Variants in CPQ observed in about 807,000 individuals in gnomAD.
CPQ encodes the protein carboxypeptidase Q.
Under a neutral mutation model 45.7 loss-of-function variants are expected in CPQ, and 37 were observed. The observed-to-expected ratio is 0.81, with a 90% confidence interval of 0.62 to 1.07. The LOEUF (loss-of-function observed/expected upper bound fraction) is 1.07, where lower values mean the gene tolerates loss of function less well. Among genes scored for constraint, CPQ ranks in the 50% least tolerant of loss-of-function variants. The pLI is 0.00. For synonymous variants in CPQ, 186 were observed against 205.8 expected, an observed-to-expected ratio of 0.90 and a Z score of 0.82; for missense variants, 537 against 572.9, an observed-to-expected ratio of 0.94 and a Z score of 0.64.
chr8:97,051,420 A>G (rs370346912), intron 6 of CPQ, among the ~76,000 whole-genome samples: 1 of 152,236 alleles, frequency 6.6e-6, no homozygotes, highest in South Asian at 2.1e-4. Flanking sequence ...ATGATATCAA[A>G]GTAATGATGA....
chr8:96,700,641 C>G (rs113379057), intron 1 of CPQ, among the ~76,000 whole-genome samples: 3,145 of 152,262 alleles, frequency 0.021, 120 homozygotes, highest in African/African-American at 0.072. Context: ...GAAGGGAACT[C>G]GAAACAGCTG....
chr8:96,938,042 A>C (rs888517731), intron 4 of CPQ, among the ~76,000 whole-genome samples: 2 of 152,200 alleles, frequency 1.3e-5, no homozygotes, highest in African/African-American at 4.8e-5. Flanking sequence ...TCTTAGAAAT[A>C]AGTTAGTTAT....
chr8:96,976,676 A>G (rs966601250), intron 5 of CPQ, among the ~76,000 whole-genome samples: 7 of 152,202 alleles, frequency 4.6e-5, no homozygotes, highest in African/African-American at 1.7e-4. Flanking sequence ...AAGAGAAGAA[A>G]GAACCCAGAA....
At chr8:97,129,616 C>G (rs529197703) in intron 7 of CPQ, among the ~76,000 whole-genome samples, 1 of 152,106 alleles carries the variant, frequency 6.6e-6, no homozygotes, top group Non-Finnish European at 1.5e-5. Context: ...CTCTGTACCA[C>G]GCTCACAGCG....
intron 4 of CPQ, among the ~76,000 whole-genome samples, chr8:96,911,958 A>G (rs1201846699): frequency 6.6e-6 from 1 of 152,140 alleles, no homozygotes; most frequent in Non-Finnish European, 1.5e-5. Flanking sequence ...GTGTGATGTC[A>G]AGTAAGTTCT....
intron 2 of CPQ, among the ~76,000 whole-genome samples, chr8:96,800,047 G>A (rs567958848): frequency 1.7e-4 from 26 of 152,110 alleles, no homozygotes; most frequent in Admixed American, 3.9e-4. Flanking sequence ...TTTCTGTTCC[G>A]TGAAGGATAC....
At chr8:97,104,141 G>A (rs893981249) in intron 7 of CPQ, among the ~76,000 whole-genome samples, 1 of 152,176 alleles carries the variant, frequency 6.6e-6, no homozygotes, top group African/African-American at 2.4e-5. Context: ...ACAAGTGGTA[G>A]CTTCTAAATA....
chr8:97,135,010 C>T (rs1812026313), intron 7 of CPQ, among the ~76,000 whole-genome samples: 2 of 152,168 alleles, frequency 1.3e-5, no homozygotes, highest in Non-Finnish European at 2.9e-5. Context: ...TACCACCTTA[C>T]AGAGATGACT....
intron 4 of CPQ, among the ~76,000 whole-genome samples, chr8:96,914,208 G>T (rs1468654939): frequency 6.6e-6 from 1 of 152,150 alleles, no homozygotes; most frequent in African/African-American, 2.4e-5. Flanking sequence ...GATTAGTTTT[G>T]TAAAAGGAGA....
chr8:96,775,849 C>T (rs1030435677), intron 1 of CPQ, among the ~76,000 whole-genome samples: 1 of 152,152 alleles, frequency 6.6e-6, no homozygotes. Flanking sequence ...GTGCTCCCCC[C>T]ACATATTCAA....
chr8:96,657,678 C>T (rs1041151837), intron 1 of CPQ, among the ~76,000 whole-genome samples: 2 of 151,892 alleles, frequency 1.3e-5, no homozygotes, highest in Non-Finnish European at 2.9e-5. Flanking sequence ...AAAAACAAAA[C>T]AAAACAACAA....
At chr8:96,899,882 C>T (rs1563524290) in intron 4 of CPQ, among the ~76,000 whole-genome samples, 2 of 146,558 alleles carry the variant, frequency 1.4e-5, no homozygotes, top group African/African-American at 2.4e-5. Context: ...AAGAGAAAGT[C>T]GATATGAAGG....
intron 1 of CPQ, among the ~76,000 whole-genome samples, chr8:96,684,116 G>GT (rs1809191855): frequency 6.6e-6 from 1 of 151,978 alleles, no homozygotes; most frequent in South Asian, 2.1e-4. Context: ...GCTTTTTTGT[G>GT]TTTTTTGTAT....
intron 3 of CPQ, among the ~76,000 whole-genome samples, chr8:96,841,152 G>C (rs966993768): frequency 2.6e-5 from 4 of 152,180 alleles, no homozygotes; most frequent in African/African-American, 9.7e-5. Flanking sequence ...GGTCGGGAGA[G>C]GGAGCTGGCT....
chr8:96,928,047 C>T (rs1812916108), intron 4 of CPQ, among the ~76,000 whole-genome samples: 1 of 152,174 alleles, frequency 6.6e-6, no homozygotes, highest in African/African-American at 2.4e-5. Flanking sequence ...TATGCAGGGC[C>T]AGACCAGCAG....
At chr8:96,773,686 A>G (rs1810573332) in intron 1 of CPQ, among the ~76,000 whole-genome samples, 1 of 152,228 alleles carries the variant, frequency 6.6e-6, no homozygotes, top group African/African-American at 2.4e-5. Context: ...TACAAAGAAC[A>G]GAAATTTGTT....
intron 7 of CPQ, among the ~76,000 whole-genome samples, chr8:97,085,607 T>C (rs539153813): frequency 6.6e-6 from 1 of 152,310 alleles, no homozygotes; most frequent in East Asian, 1.9e-4. Flanking sequence ...ATTTTTCCTA[T>C]TTTCATCCAA....
rs1235819355 is a variant in CPQ at position 96,900,617 on chromosome 8, AT to A, written c.849+20618del. Among the ~76,000 whole-genome samples the A allele has an allele frequency of 2.6e-5, 4 of 152,108 alleles. No homozygotes were observed. The South Asian group carries it at 8.3e-4, about 31-fold the overall frequency. On this transcript the variant is annotated intron_variant, in intron 4 of 7. Transcript: ENST00000220763. ...CATAACAAATGGAACTTTTATATTT[AT>A]TTTTTATGCTTAAGGGTACATAGTG...
intron 4 of CPQ, among the ~76,000 whole-genome samples, chr8:96,922,866 A>G (rs953151994): frequency 6.6e-6 from 1 of 152,198 alleles, no homozygotes; most frequent in Non-Finnish European, 1.5e-5. Context: ...TACATACATG[A>G]CTGGTTTTGA....
Sources: allele counts gnomAD v4.1 joint callset (sites outside exome capture counted in the v4.1 genomes callset), GRCh38; gene constraint gnomAD v4.1.1; transcripts MANE v1.5; gene names NCBI Gene and HGNC (gene_info 2026-07-23, HGNC 2026-07-21).